The following DLG2 variants were observed in gnomAD, a reference collection of about 807,000 sequenced individuals.
DLG2 encodes the protein discs large MAGUK scaffold protein 2, also known as disks large homolog 2.
A neutral mutation model predicts 132.5 loss-of-function variants in DLG2; 45 were observed. The observed-to-expected ratio is 0.34, with a 90% CI of 0.27 to 0.44. The LOEUF (loss-of-function observed/expected upper bound fraction) is 0.44, where lower values mean the gene tolerates loss of function less well. Among genes scored for constraint, DLG2 ranks in the 20% least tolerant of loss-of-function variants. The pLI, the probability that DLG2 is intolerant of heterozygous loss-of-function variation, is 1.00. For missense variants in DLG2, 1,045 were observed against 1,196.9 expected (o/e 0.87, Z 1.87); for synonymous variants, 424 against 419.6 (o/e 1.01, Z -0.13).
chr11:85,406,980 T>C (rs1377870255), intron 3 of DLG2, among the ~76,000 whole-genome samples: 1 of 151,510 alleles, frequency 6.6e-6, no homozygotes, highest in East Asian at 1.9e-4. Flanking sequence ...CTGAAGGAGA[T>C]AGAGAAAAGA....
intron 15 of DLG2, among the ~76,000 whole-genome samples, chr11:83,899,443 C>G (rs12270635): frequency 0.091 from 13,893 of 152,266 alleles, 801 homozygotes; most frequent in Middle Eastern, 0.19. Context: ...TGGATTAGCT[C>G]TGTGTCCCCA....
chr11:84,179,797 C>T (rs1467915328), intron 8 of DLG2, among the ~76,000 whole-genome samples: 1 of 152,058 alleles, frequency 6.6e-6, no homozygotes, highest in Non-Finnish European at 1.5e-5. Context: ...AGTCCAGACC[C>T]TCTAGCCATC....
At chr11:84,482,561 C>T (rs2099140546) in intron 7 of DLG2, among the ~76,000 whole-genome samples, 1 of 152,188 alleles carries the variant, frequency 6.6e-6, no homozygotes, top group South Asian at 2.1e-4. Context: ...TCCCACAGAA[C>T]TGTTGAGAGG....
intron 8 of DLG2, among the ~76,000 whole-genome samples, chr11:84,189,342 T>A (rs1270435706): frequency 1.3e-5 from 2 of 152,134 alleles, no homozygotes; most frequent in Admixed American, 6.6e-5. Flanking sequence ...GCTGGCAATG[T>A]TGTGGAGAAA....
At chr11:85,026,262 A>C (rs1296458701) in intron 6 of DLG2, among the ~76,000 whole-genome samples, 1 of 152,210 alleles carries the variant, frequency 6.6e-6, no homozygotes, top group Non-Finnish European at 1.5e-5. Context: ...CAAACTAAAA[A>C]GTAAAGAACA....
chr11:84,183,740 AACAGGCCCCGGTGTGT>A (rs1275286282), intron 8 of DLG2, among the ~76,000 whole-genome samples: 1 of 151,926 alleles, frequency 6.6e-6, no homozygotes, highest in Non-Finnish European at 1.5e-5. Flanking sequence ...CTCACCCCAC[AACAGGCCCCGGTGTGT>A]GATGTTCCCC....
intron 7 of DLG2, among the ~76,000 whole-genome samples, chr11:84,280,173 G>A (rs2097838875): frequency 1.3e-5 from 2 of 152,148 alleles, no homozygotes; most frequent in Non-Finnish European, 2.9e-5. Flanking sequence ...TAACAAGGTT[G>A]TAGAACACAA....
rs935021612 is a variant in DLG2, at chr11:83,665,820, C to A, written c.1826-32495G>T. 2.0e-5 allele frequency among the ~76,000 whole-genome samples: 3 copies of A among 151,896 alleles called. No individual in the cohort carries two copies. In the East Asian group the frequency reaches 5.8e-4, roughly 29 times the overall value. On this transcript the variant is annotated intron_variant, in intron 18 of 27. Transcript: ENST00000376104. ...TTTTTTTTTTAGAGAACGGGGAATG[C>A]GTTACAATAGGAGCATGAGATTGGA... is the stretch of plus-strand genomic sequence containing the variant.
rs142533298 is a variant in DLG2 at position 83,990,242 on chromosome 11, G to A, written c.920-9600C>T. ...CCTAATTGCTCAAGTAATTAAAAAT[G>A]ACCTGTTTGGCAATCACTTGACGCA... On this transcript the variant is annotated intron_variant, in intron 11 of 27. Coordinates refer to ENST00000376104, the MANE Select transcript of DLG2 (RefSeq NM_001142699.3). 7.9e-5 allele frequency among the ~76,000 whole-genome samples: 12 copies of A among 152,220 alleles called. No homozygotes were observed. In the East Asian group the frequency reaches 2.1e-3, roughly 27 times the overall value.
chr11:83,895,722 T>G (rs564487396), intron 15 of DLG2, among the ~76,000 whole-genome samples: 6 of 152,302 alleles, frequency 3.9e-5, no homozygotes, highest in African/African-American at 1.4e-4. Context: ...CACACTCAGA[T>G]TCAGGAAAAG....
intron 4 of DLG2, among the ~76,000 whole-genome samples, chr11:85,267,421 A>G (rs113198700): frequency 2.0e-5 from 3 of 152,308 alleles, no homozygotes; most frequent in African/African-American, 7.2e-5. Context: ...ATTAAGCTAC[A>G]TGGGTGTACG....
At chr11:84,596,548 G>C (rs1410491169) in intron 6 of DLG2, among the ~76,000 whole-genome samples, 1 of 151,914 alleles carries the variant, frequency 6.6e-6, no homozygotes, top group Non-Finnish European at 1.5e-5. Context: ...TCTAGAGGAA[G>C]AATGGAATTT....
chr11:84,588,797 AC>A (rs1334786923), intron 6 of DLG2, among the ~76,000 whole-genome samples: 4 of 150,010 alleles, frequency 2.7e-5, no homozygotes, highest in South Asian at 2.1e-4. Context: ...AAAAAAAAAA[AC>A]AAAATATGGG....
chr11:85,102,333 C>T lies in DLG2; in HGVS notation c.357+9328G>A, dbSNP rs1452234492. On this transcript the variant is annotated intron_variant, in intron 6 of 27. Coordinates refer to ENST00000376104, the MANE Select transcript of DLG2 (RefSeq NM_001142699.3). ...GTAAGAATATGTTCCCTATTCAACCCAGAGTAAATATAAAGTCTGTGAAAG... is the reference window on the plus strand; with the variant it reads ...GTAAGAATATGTTCCCTATTCAACCTAGAGTAAATATAAAGTCTGTGAAAG... 2.0e-5 allele frequency among the ~76,000 whole-genome samples: 3 copies of T among 151,902 alleles called. No homozygotes were observed. The East Asian group carries it at 5.8e-4, about 29-fold the overall frequency.
intron 6 of DLG2, among the ~76,000 whole-genome samples, chr11:84,841,662 C>A (rs962057141): frequency 3.3e-5 from 5 of 151,958 alleles, no homozygotes; most frequent in African/African-American, 7.2e-5. Context: ...CTGAAAAACA[C>A]ACCACTGAAC....
intron 3 of DLG2, among the ~76,000 whole-genome samples, chr11:85,445,585 C>T (rs184748722): frequency 2.0e-5 from 3 of 152,236 alleles, no homozygotes; most frequent in Admixed American, 6.5e-5. Flanking sequence ...GAGGCTGAGG[C>T]AGGAGAATCG....
At chr11:83,981,858 A>G (rs1396244717) in intron 11 of DLG2, among the ~76,000 whole-genome samples, 1 of 152,208 alleles carries the variant, frequency 6.6e-6, no homozygotes, top group African/African-American at 2.4e-5. Flanking sequence ...TGGCTTATAC[A>G]ATCTTAACTT....
chr11:84,964,194 A>G (rs1591924751), intron 6 of DLG2, among the ~76,000 whole-genome samples: 1 of 152,128 alleles, frequency 6.6e-6, no homozygotes, highest in Admixed American at 6.6e-5. Context: ...ATATCAGAAA[A>G]AAAACAGAAA....
chr11:84,944,997 G>A (rs2050017124), intron 6 of DLG2, among the ~76,000 whole-genome samples: 1 of 152,182 alleles, frequency 6.6e-6, no homozygotes, highest in African/African-American at 2.4e-5. Context: ...TTCTTTGTCT[G>A]AAAGGTCACG....
Sources: allele counts gnomAD v4.1 joint callset (sites outside exome capture counted in the v4.1 genomes callset), GRCh38; gene constraint gnomAD v4.1.1; transcripts MANE v1.5; gene names NCBI Gene and HGNC (gene_info 2026-07-23, HGNC 2026-07-21).